MEGF10: variants seen among roughly 807,000 people sequenced by gnomAD.
MEGF10 encodes multiple epidermal growth factor-like domains protein 10.
MEGF10 carries 86 observed loss-of-function variants against 147.5 expected under a neutral mutation model. That is an observed-to-expected ratio of 0.58 (90% CI 0.49 to 0.70). The LOEUF (loss-of-function observed/expected upper bound fraction) is 0.70. MEGF10 is among the 30% of genes least tolerant of loss of function. The pLI is 0.00. For synonymous variants in MEGF10, 478 were observed against 525.5 expected (o/e 0.91, Z 1.24); for missense variants, 1,329 against 1,487.3 (o/e 0.89, Z 1.75).
chr5:127,404,617 G>T (rs1487062432), intron 8 of MEGF10, among the ~76,000 whole-genome samples: 1 of 152,126 alleles, frequency 6.6e-6, no homozygotes, highest in Non-Finnish European at 1.5e-5. Context: ...AGGCTCACTG[G>T]ATGTGTGTGT....
chr5:127,423,309 A>G (rs765802713), intron 13 of MEGF10, among the ~76,000 whole-genome samples: 28 of 152,338 alleles, frequency 1.8e-4, no homozygotes, highest in South Asian at 1.5e-3. Flanking sequence ...TTCTGTAACC[A>G]CAGGGTGGGA....
chr5:127,233,337 C>G, the MEGF10 span, among the ~76,000 whole-genome samples: 3 of 152,288 alleles, frequency 2.0e-5, no homozygotes, highest in African/African-American at 7.2e-5. Context: ...GTAGGGCAGT[C>G]TCCTTCTCTC....
At chr5:127,428,141 A>ATTTTTTTTTTTTT (rs66935934) in intron 13 of MEGF10, among the ~76,000 whole-genome samples, 7 of 103,578 alleles carry the variant, frequency 6.8e-5, no homozygotes, top group African/African-American at 1.5e-4. Context: ...GGTGTCTGGT[A>ATTTTTTTTTTTTT]TTTTTTTTTT....
chr5:127,380,442 A>G (rs1763207030), intron 5 of MEGF10, among the ~76,000 whole-genome samples: 1 of 152,172 alleles, frequency 6.6e-6, no homozygotes, highest in African/African-American at 2.4e-5. Context: ...TCAGTGGCCT[A>G]AGGTTGCTCA....
intron 5 of MEGF10, among the ~76,000 whole-genome samples, chr5:127,375,028 A>G (rs1176291494): frequency 6.6e-6 from 1 of 152,120 alleles, no homozygotes; most frequent in Non-Finnish European, 1.5e-5. Context: ...CATTACTGTC[A>G]TGGGAGTATT....
intron 21 of MEGF10, 139 bp downstream of exon 21, chr5:127,447,823 C>G: frequency 8.9e-7 from 1 of 1,121,336 alleles, no homozygotes; most frequent in South Asian, 1.7e-5. Context: ...CTAAACAGTC[C>G]TCTGAGTGTG....
At chr5:127,310,035 C>T (rs140948654) in intron 1 of MEGF10, among the ~76,000 whole-genome samples, 3,132 of 22,700 alleles carry the variant, frequency 0.14, 609 homozygotes, top group African/African-American at 0.34. Context: ...TCTTTCTTTC[C>T]TTCTTTCTTT....
intron 4 of MEGF10, among the ~76,000 whole-genome samples, chr5:127,347,681 T>G (rs56144110): frequency 0.06 from 9,127 of 152,182 alleles, 306 homozygotes; most frequent in Non-Finnish European, 0.081. Context: ...GACCAATGTA[T>G]AGTTTTCCAA....
At chr5:127,259,744 C>T in the MEGF10 span, among the ~76,000 whole-genome samples, 2 of 152,184 alleles carry the variant, frequency 1.3e-5, no homozygotes. Flanking sequence ...CAAGCCCTCT[C>T]TGCCTAGAGA....
chr5:127,255,231 G>A, the MEGF10 span, among the ~76,000 whole-genome samples: 2 of 152,070 alleles, frequency 1.3e-5, no homozygotes, highest in Non-Finnish European at 2.9e-5. Context: ...CCAATCTTAG[G>A]TTTTACAATA....
intron 5 of MEGF10, among the ~76,000 whole-genome samples, chr5:127,389,876 T>C (rs4401615): frequency 0.73 from 111,160 of 152,012 alleles, 41,311 homozygotes; most frequent in Middle Eastern, 0.85. Context: ...CCCCATGACA[T>C]GAGTTTACCT....
At chr5:127,448,518 G>T (rs1287189802) in intron 21 of MEGF10, among the ~76,000 whole-genome samples, 1 of 151,986 alleles carries the variant, frequency 6.6e-6, no homozygotes, top group East Asian at 1.9e-4. Context: ...TAATTCCAGT[G>T]CTCTATTAGA....
chr5:127,370,656 G>A (rs1190335093), intron 5 of MEGF10, among the ~76,000 whole-genome samples: 4 of 152,070 alleles, frequency 2.6e-5, no homozygotes, highest in East Asian at 1.9e-4. Context: ...CAGTCTACAC[G>A]TAACATTTCA....
intron 16 of MEGF10, 43 bp downstream of exon 16, chr5:127,435,532 T>C: frequency 6.4e-7 from 1 of 1,570,986 alleles, no homozygotes; most frequent in South Asian, 1.2e-5. Flanking sequence ...TTCTTATTTG[T>C]TTGTTTTCAG....
At chr5:127,255,435 T>C in the MEGF10 span, among the ~76,000 whole-genome samples, 3 of 152,126 alleles carry the variant, frequency 2.0e-5, no homozygotes, top group Non-Finnish European at 4.4e-5. Flanking sequence ...TCAATAGTCT[T>C]ACAAAGGCAA....
At chr5:127,251,823 T>G in the MEGF10 span, among the ~76,000 whole-genome samples, 1 of 151,850 alleles carries the variant, frequency 6.6e-6, no homozygotes, top group Non-Finnish European at 1.5e-5. Flanking sequence ...AAAGGAAACT[T>G]CTGCATGCAA....
chr5:127,265,660 C>T, the MEGF10 span, among the ~76,000 whole-genome samples: 1 of 152,198 alleles, frequency 6.6e-6, no homozygotes, highest in Non-Finnish European at 1.5e-5. Flanking sequence ...TTGCATTTCT[C>T]TGATGGCCAG....
chr5:127,234,075 A>C, the MEGF10 span, among the ~76,000 whole-genome samples: 1 of 152,250 alleles, frequency 6.6e-6, no homozygotes, highest in Non-Finnish European at 1.5e-5. Flanking sequence ...ATCTGGAAGC[A>C]GAGTCAGGGC....
the MEGF10 span, among the ~76,000 whole-genome samples, chr5:127,264,531 T>C: frequency 7.2e-5 from 11 of 152,206 alleles, no homozygotes; most frequent in Non-Finnish European, 1.5e-4. Context: ...GCAGGCAAGG[T>C]TGGATCTAGA....
Sources: gnomAD v4.1 joint callset for allele counts (sites outside exome capture counted in the v4.1 genomes callset) on GRCh38, gnomAD v4.1.1 for gene constraint, MANE v1.5 for transcripts, NCBI Gene and HGNC (gene_info 2026-07-23, HGNC 2026-07-21) for gene names.